The following SACS variants were observed in gnomAD, a reference collection of about 807,000 sequenced individuals.
SACS encodes sacsin molecular chaperone.
A neutral mutation model predicts 348.0 loss-of-function variants in SACS; 197 were observed. The observed-to-expected ratio is 0.57, with a 90% CI of 0.50 to 0.64. SACS has a LOEUF of 0.64. SACS is among the 30% of genes least tolerant of loss of function. The probability of loss-of-function intolerance (pLI) is 0.00; values close to 1 mark genes in which losing one functional copy is unlikely to be tolerated. For missense variants in SACS, 4,999 were observed against 5,360.8 expected, an observed-to-expected ratio of 0.93 and a Z score of 2.11; for synonymous variants, 1,985 against 1,910.6, an observed-to-expected ratio of 1.04 and a Z score of -1.02.
chr13:23,398,718 G>A (rs1393830880), intron 2 of SACS, among the ~76,000 whole-genome samples: 2 of 151,972 alleles, frequency 1.3e-5, no homozygotes, highest in African/African-American at 2.4e-5. Context: ...TTTAGGTTAA[G>A]GTAAAGGATT....
chr13:23,375,320 C>CCCAGCGCCCGCGCGG, intron 2 of SACS, 51 bp from the exon 3 acceptor site: 1 of 1,362,204 alleles, frequency 7.3e-7, no homozygotes, highest in Non-Finnish European at 9.5e-7. Flanking sequence ...CACCCGCCCG[C>CCCAGCGCCCGCGCGG]CCAGCGCCCG....
intron 2 of SACS, among the ~76,000 whole-genome samples, chr13:23,398,239 A>T (rs1209674433): frequency 1.3e-5 from 2 of 149,564 alleles, no homozygotes; most frequent in Admixed American, 6.7e-5. Flanking sequence ...CATTTAAGAA[A>T]TACATGGTTT....
At chr13:23,425,202 TG>T (rs1269888409) in intron 1 of SACS, among the ~76,000 whole-genome samples, 1 of 151,408 alleles carries the variant, frequency 6.6e-6, no homozygotes, top group Non-Finnish European at 1.5e-5. Context: ...GGTATTTACC[TG>T]GGGACTAGAC....
intron 2 of SACS, among the ~76,000 whole-genome samples, chr13:23,410,051 T>G (rs1270570964): frequency 2.6e-5 from 4 of 152,108 alleles, no homozygotes; most frequent in Admixed American, 6.5e-5. Context: ...CACCTTTGAT[T>G]TGAAAAAAAG....
Position 23,337,536 on chromosome 13 carries a change from T to C in SACS, c.6340A>G (p.Ile2114Val), listed in dbSNP as rs1174856590. The change falls in exon 10 of 10, where the codon ATC becomes GTC. Residue 2114 changes from isoleucine (I) to valine (V), a missense_variant. Physicochemically the swap from Ile to Val is conservative, Grantham distance 29. Coordinates refer to ENST00000382292, the MANE Select transcript of SACS (RefSeq NM_014363.6). ...GHPLVLPSRL[I>V]HPEGRVAKLF... The stretch of plus-strand genomic sequence containing the variant: ...TTTGCAACTCGTCCTTCGGGGTGGA[T>C]CAATCTTGATGGCAAAACCAAAGGA... The C allele has an allele frequency of 6.2e-7, 1 of 1,613,954 alleles. No individual in the cohort carries two copies. Among genetic ancestry groups the C allele is most frequent in the Non-Finnish European group, 8.5e-7 (1 of 1,179,916 alleles).
chr13:23,417,856 C>G lies in SACS; in HGVS notation c.-501-6116G>C, dbSNP rs1873747338. Among the ~76,000 whole-genome samples, 3 of 151,872 alleles carry G rather than the reference C, an allele frequency of 2.0e-5. No homozygotes were observed. The South Asian group carries it at 6.3e-4, about 32-fold the overall frequency. On this transcript the variant is annotated intron_variant, in intron 1 of 9. Coordinates refer to ENST00000382292, the MANE Select transcript of SACS (RefSeq NM_014363.6). ...CACTGAGGCAGGCGGAACCCCTGAGCTCAGGAGTTTGAGACCAACCTGGGC... is the reference window on the plus strand; with the variant it reads ...CACTGAGGCAGGCGGAACCCCTGAGGTCAGGAGTTTGAGACCAACCTGGGC...
chr13:23,329,385 G>A lies in SACS; in HGVS notation c.*751C>T, dbSNP rs768530785. ...GCAAGTGTTCTAACAGTTAATAAAT[G>A]TTGTCTTGGCAAGCAGTTTCCAGAA... On this transcript the variant is annotated 3_prime_UTR_variant, in exon 10 of 10. Coordinates refer to ENST00000382292, the MANE Select transcript of SACS (RefSeq NM_014363.6). The A allele has an allele frequency of 2.7e-6, 2 of 744,242 alleles. No homozygotes were observed. Among genetic ancestry groups the A allele is most frequent in the Non-Finnish European group, 4.9e-6 (2 of 405,306 alleles). The allele number at this position is 744,242 out of a possible 1,614,324, so 46.1% of individuals were successfully genotyped here.
chr13:23,428,507 G>A (rs970024441), intron 1 of SACS: 1 of 152,208 alleles, frequency 6.6e-6, no homozygotes. Context: ...TTGGCATAGT[G>A]TGCTGCAGGA....
Position 23,332,493 on chromosome 13 carries a change from C to T in SACS, c.11383G>A (p.Ala3795Thr). 1.2e-6 allele frequency: 2 copies of T among 1,613,974 alleles called. No individual in the cohort carries two copies. Among genetic ancestry groups the T allele is most frequent in the African/African-American group, 2.7e-5 (2 of 75,028 alleles). Residue 3795 changes from alanine to threonine, a missense_variant, in exon 10 of 10, where the codon GCT becomes ACT. Around this residue, in one of 6 missense-constraint regions of SACS, gnomAD observed 831 missense variants for 941.8 expected, o/e 0.88. Coordinates refer to ENST00000382292, the MANE Select transcript of SACS (RefSeq NM_014363.6). ...CAACCATCTTCTACCATCACAAAAG[C>T]AACCCCTCGCAACTGAAAACGAAAT... ...REFRFQLRGV[A>T]FVMVEDGWKL...
Position 23,331,064 on chromosome 13 carries a change from G to T in SACS, c.12812C>A (p.Pro4271His), listed in dbSNP as rs779668584. 6.2e-7 allele frequency: 1 copy of T among 1,614,058 alleles called. No individual in the cohort carries two copies. The highest frequency in any genetic ancestry group is 8.5e-7 in the Non-Finnish European group (1 of 1,179,948). ...AAGAGGAGGAATGCTTCTCAGGCCA[G>T]GGGTGAGGAACTCAGTGGGGCTGGT... is the stretch of plus-strand genomic sequence containing the variant. ...TPTSPTEFLT[P>H]GLRSIPPLFS... Residue 4271 changes from proline (P) to histidine (H), a missense_variant, in exon 10 of 10, where the codon CCT (proline) becomes CAT (histidine). Coordinates refer to ENST00000382292, the MANE Select transcript of SACS (RefSeq NM_014363.6).
At chr13:23,399,600 G>A (rs905340454) in intron 2 of SACS, among the ~76,000 whole-genome samples, 2 of 152,146 alleles carry the variant, frequency 1.3e-5, no homozygotes, top group African/African-American at 4.8e-5. Context: ...TATGGGGATA[G>A]GACACAGAAG....
At chr13:23,398,659 ATAT>A (rs1593172688) in intron 2 of SACS, among the ~76,000 whole-genome samples, 1 of 152,186 alleles carries the variant, frequency 6.6e-6, no homozygotes, top group South Asian at 2.1e-4. Context: ...AGCTTATCAA[ATAT>A]TATTATTTGA....
In SACS at chr13:23,408,879, A is replaced by G. The variant is rs986025859; in HGVS notation, c.20+2341T>C. Among the ~76,000 whole-genome samples the G allele has an allele frequency of 9.3e-5, 14 of 150,908 alleles. No homozygotes were observed. The South Asian group carries it at 1.1e-3, about 11-fold the overall frequency. ...CGGGAGGCTGAGGCAGGAGAATGGC[A>G]TGAACTCGGGAGGCGCAGCTTGCAG... is the stretch of plus-strand genomic sequence containing the variant. On this transcript the variant is annotated intron_variant, in intron 2 of 9. Transcript: ENST00000382292.
intron 9 of SACS, among the ~76,000 whole-genome samples, chr13:23,348,695 T>C (rs1159681759): frequency 3.9e-5 from 6 of 152,108 alleles, no homozygotes. Context: ...AGGTGACACA[T>C]GAGCTCAGTA....
rs954174391 is a variant in SACS at position 23,375,519 on chromosome 13, G to A, written c.21-250C>T. ...CCCGCGCCGAGGAGGAAACGCTAGA[G>A]GAAGCCGCGGCGGCCGAGGAGCAGG... On this transcript the variant is annotated intron_variant, in intron 2 of 9. Coordinates refer to ENST00000382292, the MANE Select transcript of SACS (RefSeq NM_014363.6). The A allele has an allele frequency of 5.1e-3, 5,668 of 1,104,784 alleles. 14 individuals are homozygous for A. Among genetic ancestry groups the A allele is most frequent in the Non-Finnish European group, 5.9e-3 (5,317 of 907,794 alleles). The allele number at this position is 1,104,784 out of a possible 1,614,324, so 68.4% of individuals were successfully genotyped here. A position where few individuals can be genotyped will look rare whatever the true frequency, so the allele number is the denominator to read the frequency against.
intron 3 of SACS, among the ~76,000 whole-genome samples, chr13:23,371,774 T>C (rs1194848279): frequency 6.6e-6 from 1 of 152,202 alleles, no homozygotes; most frequent in Non-Finnish European, 1.5e-5. Context: ...CACACATTTA[T>C]AGAACTATTA....
chr13:23,330,754 C>G lies in SACS; in HGVS notation c.13122G>C (p.Arg4374Ser), dbSNP rs2137551679. 3 of 1,613,726 alleles carry G rather than the reference C, an allele frequency of 1.9e-6. No homozygotes were observed. The highest frequency in any genetic ancestry group is 2.5e-6 in the Non-Finnish European group (3 of 1,179,880). ...KQAFLDQNAD[R>S]ASRRTFSTSA... ...AGGTTGAAAATGTTCGTCTGGAGGCCCTGTCTGCATTTTGATCTAGAAAAG... is the reference window on the plus strand; with the variant it reads ...AGGTTGAAAATGTTCGTCTGGAGGCGCTGTCTGCATTTTGATCTAGAAAAG... The change falls in exon 10 of 10, where the codon AGG (arginine) becomes AGC (serine). Residue 4374 changes from arginine (R) to serine (S), a missense_variant. Arg to Ser is a moderately radical substitution (Grantham distance 110). Coordinates refer to ENST00000382292, the MANE Select transcript of SACS (RefSeq NM_014363.6).
At chr13:23,405,917 G>A (rs145312924) in intron 2 of SACS, among the ~76,000 whole-genome samples, 313 of 152,296 alleles carry the variant, frequency 2.1e-3, no homozygotes, top group African/African-American at 7.1e-3. Flanking sequence ...TGGAGAAATA[G>A]GAAAGCTTTT....
intron 2 of SACS, among the ~76,000 whole-genome samples, chr13:23,405,386 C>T (rs1362996033): frequency 6.6e-6 from 1 of 152,156 alleles, no homozygotes; most frequent in Non-Finnish European, 1.5e-5. Flanking sequence ...GGACTCCTTA[C>T]ACCTTATACA....
Sources: gnomAD v4.1 joint callset for allele counts (sites outside exome capture counted in the v4.1 genomes callset) on GRCh38, gnomAD v4.1.1 for gene constraint, gnomAD v4.1.1 regional missense constraint, MANE v1.5 for transcripts, NCBI Gene and HGNC (gene_info 2026-07-23, HGNC 2026-07-21) for gene names.